Variants in RELN observed in about 807,000 individuals in gnomAD.
RELN encodes reelin.
Under a neutral mutation model 427.6 loss-of-function variants are expected in RELN, and 108 were observed. The observed-to-expected ratio is 0.25, with a 90% CI of 0.22 to 0.30. The LOEUF is 0.30. Among genes scored for constraint, RELN ranks in the 10% least tolerant of loss-of-function variants. RELN has a pLI of 1.00. For synonymous variants in RELN, 1,524 were observed against 1,513.4 expected (o/e 1.01, Z -0.16); for missense variants, 3,715 against 4,302.8 (o/e 0.86, Z 3.82).
intron 2 of RELN, among the ~76,000 whole-genome samples, chr7:103,860,026 T>C (rs1794036274): frequency 6.6e-6 from 1 of 152,202 alleles, no homozygotes; most frequent in African/African-American, 2.4e-5. Context: ...TCTAAAGGCA[T>C]GTAGTACAAT....
At position 103,551,310 on chromosome 7, in the gene RELN, A is replaced by G; in HGVS notation, c.6073-14T>C. 6 of 1,585,078 alleles carry G rather than the reference A, an allele frequency of 3.8e-6. No individual in the cohort carries two copies. Among genetic ancestry groups the G allele is most frequent in the Non-Finnish European group, 5.2e-6 (6 of 1,157,130 alleles). On this transcript the variant is annotated splice_polypyrimidine_tract_variant and intron_variant, in intron 40 of 64. Coordinates refer to ENST00000428762, the MANE Select transcript of RELN (RefSeq NM_005045.4). ...GCCAACGTTGATCTTGGGGATGAAG[A>G]AAAAAATGATACAAATTACCTCAGA...
chr7:103,489,536 T>C (rs1323834294), intron 60 of RELN, among the ~76,000 whole-genome samples: 1 of 152,204 alleles, frequency 6.6e-6, no homozygotes, highest in Non-Finnish European at 1.5e-5. Flanking sequence ...CATTTCTATA[T>C]TTTAAAAAAT....
rs188877261 is a variant in RELN at position 103,482,621 on chromosome 7, C to G, written c.10280+252G>C. Reference sequence around the variant, plus strand: ...AGACTTTTGTTTTATCCAATTTAACCAATATTGTCAACCCTTAAATAAATG... The same window carrying G: ...AGACTTTTGTTTTATCCAATTTAACGAATATTGTCAACCCTTAAATAAATG... On this transcript the variant is annotated intron_variant, in intron 63 of 64. Transcript: ENST00000428762. 2.0e-5 allele frequency among the ~76,000 whole-genome samples: 3 copies of G among 152,270 alleles called. No homozygotes were observed. The East Asian group carries it at 5.8e-4, about 29-fold the overall frequency.
At chr7:103,654,714 T>C (rs1285715855) in intron 12 of RELN, among the ~76,000 whole-genome samples, 3 of 152,114 alleles carry the variant, frequency 2.0e-5, no homozygotes, top group Non-Finnish European at 4.4e-5. Flanking sequence ...TTGTTTTACA[T>C]TTTTCATTTT....
At chr7:103,823,319 T>C (rs183296969) in intron 3 of RELN, among the ~76,000 whole-genome samples, 3 of 152,216 alleles carry the variant, frequency 2.0e-5, no homozygotes, top group East Asian at 1.9e-4. Context: ...ATTTAATCTG[T>C]TTATATTTAT....
At chr7:103,511,673 G>C (rs950272986) in intron 50 of RELN, among the ~76,000 whole-genome samples, 1 of 151,450 alleles carries the variant, frequency 6.6e-6, no homozygotes, top group African/African-American at 2.4e-5. Context: ...AGGCCAGCCT[G>C]GGCAACATAG....
Position 103,660,066 on chromosome 7 carries a change from C to T in RELN, c.1441+1310G>A, listed in dbSNP as rs1358361007. Among the ~76,000 whole-genome samples, 9 of 151,796 alleles carry T rather than the reference C, an allele frequency of 5.9e-5. No individual in the cohort carries two copies. In the East Asian group the frequency reaches 1.7e-3, roughly 29 times the overall value. On this transcript the variant is annotated intron_variant, in intron 12 of 64. Coordinates refer to ENST00000428762, the MANE Select transcript of RELN (RefSeq NM_005045.4). ...ATTAAAGATTAATCTTATATAAAGA[C>T]AATTATATAAAGGAACTTATATAAT...
intron 2 of RELN, among the ~76,000 whole-genome samples, chr7:103,863,479 C>T (rs942389223): frequency 6.6e-6 from 1 of 152,150 alleles, no homozygotes; most frequent in African/African-American, 2.4e-5. Flanking sequence ...GGCTGCTATT[C>T]CAAAAATCCT....
chr7:103,559,432 T>C (rs1417690512), intron 36 of RELN, among the ~76,000 whole-genome samples: 1 of 152,232 alleles, frequency 6.6e-6, no homozygotes, highest in Non-Finnish European at 1.5e-5. Flanking sequence ...AAGCCTTATA[T>C]TTCTAGTCTT....
chr7:103,756,061 A>G (rs1233942565), intron 4 of RELN, among the ~76,000 whole-genome samples: 1 of 152,230 alleles, frequency 6.6e-6, no homozygotes, highest in Admixed American at 6.5e-5. Flanking sequence ...AGATATGTAT[A>G]ACAAAATATC....
At chr7:103,482,263 T>C (rs1374612638) in intron 63 of RELN, 1 of 156,748 alleles carries the variant, frequency 6.4e-6, no homozygotes, top group Non-Finnish European at 1.4e-5. Context: ...ATTCCAGTTC[T>C]ACAGGAACTA....
At chr7:103,688,115 T>A (rs1009225686) in intron 10 of RELN, among the ~76,000 whole-genome samples, 3 of 152,030 alleles carry the variant, frequency 2.0e-5, no homozygotes, top group Admixed American at 2.0e-4. Flanking sequence ...GTGAAGAACA[T>A]CCCAAGCAAA....
intron 46 of RELN, 108 bp from the exon 47 acceptor site, chr7:103,523,639 C>A (rs548896272): frequency 1.9e-6 from 2 of 1,034,300 alleles, no homozygotes; most frequent in African/African-American, 1.6e-5. Context: ...CATGTACATT[C>A]CTACTTCTTT....
At chr7:103,847,828 A>G (rs1391676177) in intron 2 of RELN, among the ~76,000 whole-genome samples, 2 of 152,144 alleles carry the variant, frequency 1.3e-5, no homozygotes, top group Non-Finnish European at 2.9e-5. Flanking sequence ...TGACTCCTAA[A>G]CTGGAAGTTG....
At chr7:103,491,177 G>A (rs2117003469) in intron 58 of RELN, among the ~76,000 whole-genome samples, 1 of 152,336 alleles carries the variant, frequency 6.6e-6, no homozygotes, top group East Asian at 1.9e-4. Context: ...AAAGGTGATA[G>A]TCGGAGGGCT....
intron 21 of RELN, 116 bp downstream of exon 21, chr7:103,611,495 C>T (rs1482751221): frequency 1.3e-6 from 1 of 764,800 alleles, no homozygotes. Flanking sequence ...TATTAAATAA[C>T]ACTGTTTCTT....
chr7:103,781,459 A>G (rs542097196), intron 3 of RELN, among the ~76,000 whole-genome samples: 1 of 152,196 alleles, frequency 6.6e-6, no homozygotes, highest in African/African-American at 2.4e-5. Flanking sequence ...ATAAAATTGT[A>G]TGTAAAGCTG....
rs111690227 is a variant in RELN, at chr7:103,917,929, G to A, written c.227-744C>T. 7.9e-5 allele frequency among the ~76,000 whole-genome samples: 12 copies of A among 152,116 alleles called. 1 individual carries two copies. Among genetic ancestry groups the A allele is most frequent in the Middle Eastern group, 3.4e-3 (1 of 294 alleles). On this transcript the variant is annotated intron_variant, in intron 1 of 64. Transcript: ENST00000428762. ...ACCTGACCATAATTTCCTGCTTGAC[G>A]TAACATTTTCTCCTGCATAGGTTTT...
intron 8 of RELN, among the ~76,000 whole-genome samples, chr7:103,706,473 C>T (rs554038992): frequency 5.9e-5 from 9 of 152,202 alleles, no homozygotes; most frequent in East Asian, 1.9e-4. Flanking sequence ...TATTAGTAGG[C>T]GTTTCTACTT....
Sources: gnomAD v4.1 joint callset for allele counts (sites outside exome capture counted in the v4.1 genomes callset) on GRCh38, gnomAD v4.1.1 for gene constraint, MANE v1.5 for transcripts, NCBI Gene and HGNC (gene_info 2026-07-23, HGNC 2026-07-21) for gene names.